The following CRB1 variants were observed in gnomAD, a reference collection of about 807,000 sequenced individuals.
The protein encoded by CRB1 is protein crumbs homolog 1.
A neutral mutation model predicts 120.0 loss-of-function variants in CRB1; 83 were observed. That is an observed-to-expected ratio of 0.69 (90% CI 0.58 to 0.83). The LOEUF (loss-of-function observed/expected upper bound fraction) is 0.83. CRB1 is among the 40% of genes least tolerant of loss of function. The pLI, the probability that CRB1 is intolerant of heterozygous loss-of-function variation, is 0.00. For synonymous variants in CRB1, 625 were observed against 612.5 expected (o/e 1.02, Z -0.30); for missense variants, 1,699 against 1,687.6 (o/e 1.01, Z -0.12).
chr1:197,453,576 G>GGA (rs71131760), intron 11 of CRB1, among the ~76,000 whole-genome samples: 46,865 of 117,758 alleles, frequency 0.4, 10,293 homozygotes, highest in Middle Eastern at 0.54. Context: ...AGAGGGAGAG[G>GGA]GAGAGAGAGA....
intron 4 of CRB1, among the ~76,000 whole-genome samples, chr1:197,356,576 C>G (rs1422148961): frequency 6.6e-6 from 1 of 152,164 alleles, no homozygotes; most frequent in Non-Finnish European, 1.5e-5. Context: ...ATCCTGACAT[C>G]TAATTTTATT....
At chr1:197,446,226 G>A (rs1454490405) in intron 11 of CRB1, among the ~76,000 whole-genome samples, 2 of 151,838 alleles carry the variant, frequency 1.3e-5, no homozygotes, top group African/African-American at 2.4e-5. Flanking sequence ...ATAGTCTTAG[G>A]ATGTAACTAG....
At chr1:197,323,769 C>A (rs577404358) in intron 1 of CRB1, among the ~76,000 whole-genome samples, 1 of 152,086 alleles carries the variant, frequency 6.6e-6, no homozygotes, top group African/African-American at 2.4e-5. Flanking sequence ...GCACTTGGTC[C>A]CTTACCCTAC....
At chr1:197,361,330 C>G (rs1660758435) in intron 5 of CRB1, among the ~76,000 whole-genome samples, 1 of 151,622 alleles carries the variant, frequency 6.6e-6, no homozygotes. Flanking sequence ...GTTAATTATT[C>G]TTTAAATATG....
chr1:197,289,488 TCA>T (rs544737297), intron 1 of CRB1, among the ~76,000 whole-genome samples: 205 of 151,868 alleles, frequency 1.3e-3, no homozygotes, highest in African/African-American at 4.7e-3. Flanking sequence ...CTTTATTTTT[TCA>T]AATGTTATTT....
chr1:197,398,617 G>A (rs1662895470), intron 5 of CRB1, among the ~76,000 whole-genome samples: 1 of 152,126 alleles, frequency 6.6e-6, no homozygotes, highest in Admixed American at 6.5e-5. Flanking sequence ...CAAATTTATG[G>A]TCAATTTATA....
In CRB1 at chr1:197,434,962, A is replaced by T; in HGVS notation, c.3099A>T (p.Thr1033=). Residue 1033 remains threonine (T), a synonymous_variant, in exon 9 of 12, where the codon ACA becomes ACT. Coordinates refer to ENST00000367400, the MANE Select transcript of CRB1 (RefSeq NM_201253.3). ...LTSLQSVNDG[T]WHEVTLSMTD... is the part of the protein sequence containing the mutation. Reference sequence around the variant, plus strand: ...GTTTGCAGTCAGTGAATGATGGCACATGGCACGAAGTGACCCTTTCCATGA... The same window carrying T: ...GTTTGCAGTCAGTGAATGATGGCACTTGGCACGAAGTGACCCTTTCCATGA... 6.2e-7 allele frequency: 1 copy of T among 1,613,962 alleles called. No homozygotes were observed. The highest frequency in any genetic ancestry group is 1.3e-5 in the African/African-American group (1 of 75,034).
intron 5 of CRB1, among the ~76,000 whole-genome samples, chr1:197,361,464 G>T (rs1237149207): frequency 6.6e-6 from 1 of 151,852 alleles, no homozygotes; most frequent in Non-Finnish European, 1.5e-5. Context: ...GGCAATTTGT[G>T]GATTTCAAGG....
rs1310967231 is a variant in CRB1, at chr1:197,421,241, T to A, written c.1413T>A (p.Cys471Ter). 1 of 1,614,186 alleles carries A rather than the reference T, an allele frequency of 6.2e-7. No homozygotes were observed. The highest frequency in any genetic ancestry group is 8.5e-7 in the Non-Finnish European group (1 of 1,180,010). ...GCCAGCATGGATTCAGCTGCCTATG[T>A]CCATCTGGCTACACCGGGTCCCTGT... is the stretch of plus-strand genomic sequence containing the variant. Reference protein sequence around the residue: ...QDGQHGFSCLCPSGYTGSLCE... With the variant: ...QDGQHGFSCL The change falls in exon 6 of 12, where the codon TGT becomes TGA. Residue 471 changes from cysteine (C) to a stop codon, truncating the protein, a stop_gained. Transcript: ENST00000367400. LOFTEE classifies it high-confidence loss of function.
rs1053763678 is a variant in CRB1, at chr1:197,289,121, C to CA, written c.70+20646dup. Among the ~76,000 whole-genome samples, 16 of 151,244 alleles carry CA rather than the reference C, an allele frequency of 1.1e-4. 1 individual carries two copies. The highest frequency in any genetic ancestry group is 3.6e-4 in the African/African-American group (15 of 41,306). Reference sequence around the variant, plus strand: ...GCAACGGGACAGACCAGAGACAGACCAAAAAAACAAAAGCAAAACAAAACA... The same window carrying CA: ...GCAACGGGACAGACCAGAGACAGACCAAAAAAAACAAAAGCAAAACAAAACA... On this transcript the variant is annotated intron_variant, in intron 1 of 11. Coordinates refer to ENST00000367400, the MANE Select transcript of CRB1 (RefSeq NM_201253.3).
chr1:197,371,771 G>C (rs1283344239), intron 5 of CRB1, among the ~76,000 whole-genome samples: 1 of 152,146 alleles, frequency 6.6e-6, no homozygotes, highest in Admixed American at 6.6e-5. Flanking sequence ...CGCAACTGAT[G>C]AACATCAAGT....
At chr1:197,372,043 A>G (rs959774656) in intron 5 of CRB1, among the ~76,000 whole-genome samples, 2 of 152,138 alleles carry the variant, frequency 1.3e-5, no homozygotes, top group African/African-American at 4.8e-5. Flanking sequence ...TCATATGAAT[A>G]TGCCACTCCA....
intron 5 of CRB1, among the ~76,000 whole-genome samples, chr1:197,410,419 T>G (rs943712075): frequency 6.6e-6 from 1 of 152,164 alleles, no homozygotes; most frequent in East Asian, 1.9e-4. Context: ...TTAATGGTAA[T>G]CAATACGGAG....
At position 197,421,158 on chromosome 1, in the gene CRB1, G is replaced by A; in HGVS notation, c.1330G>A (p.Gly444Ser). The A allele has an allele frequency of 6.2e-7, 1 of 1,614,012 alleles. No homozygotes were observed. The highest frequency in any genetic ancestry group is 1.7e-5 in the Admixed American group (1 of 60,018). The change falls in exon 6 of 12, where the codon GGC (glycine) becomes AGC (serine). Residue 444 changes from glycine (G) to serine (S), a missense_variant. Gly to Ser is a moderately conservative substitution (Grantham distance 56). Coordinates refer to ENST00000367400, the MANE Select transcript of CRB1 (RefSeq NM_201253.3). ...AAGGGACTGTTCTGATATTCTCCTGGGCTGTACCCATCAGCAATGTCTAAA... is the reference window on the plus strand; with the variant it reads ...AAGGGACTGTTCTGATATTCTCCTGAGCTGTACCCATCAGCAATGTCTAAA... ...GGRDCSDILLGCTHQQCLNNG... is the reference protein window; with the variant it reads ...GGRDCSDILLSCTHQQCLNNG...
chr1:197,354,713 T>C (rs1208702309), intron 4 of CRB1, among the ~76,000 whole-genome samples: 1 of 149,288 alleles, frequency 6.7e-6, no homozygotes, highest in Non-Finnish European at 1.5e-5. Context: ...GCAAGAGTTA[T>C]TTCAACAAGC....
intron 5 of CRB1, among the ~76,000 whole-genome samples, chr1:197,366,918 CA>C (rs66828477): frequency 5.3e-4 from 81 of 151,424 alleles, no homozygotes; most frequent in Non-Finnish European, 8.8e-4. Flanking sequence ...AAAATCATTT[CA>C]AAAAAAAATT....
intron 1 of CRB1, among the ~76,000 whole-genome samples, chr1:197,275,754 A>G (rs1223453682): frequency 6.6e-6 from 1 of 151,930 alleles, no homozygotes; most frequent in East Asian, 1.9e-4. Flanking sequence ...CAATTTTTTA[A>G]CCTACTTTTT....
chr1:197,308,905 T>C (rs1657333837), intron 1 of CRB1, among the ~76,000 whole-genome samples: 1 of 150,182 alleles, frequency 6.7e-6, no homozygotes, highest in Non-Finnish European at 1.5e-5. Context: ...TATGTATATA[T>C]GTGGGTATAT....
At chr1:197,299,247 A>G (rs910941749) in intron 1 of CRB1, among the ~76,000 whole-genome samples, 19 of 152,152 alleles carry the variant, frequency 1.2e-4, no homozygotes, top group Admixed American at 3.9e-4. Context: ...ACATAAGAAA[A>G]TGCAGTCCAT....
Sources: allele counts gnomAD v4.1 joint callset (sites outside exome capture counted in the v4.1 genomes callset), GRCh38; gene constraint gnomAD v4.1.1; transcripts MANE v1.5; gene names NCBI Gene and HGNC (gene_info 2026-07-23, HGNC 2026-07-21).